Variants in EPHB1 observed in about 807,000 individuals in gnomAD.
The protein encoded by EPHB1 is ephrin type-B receptor 1.
EPHB1 carries 30 observed loss-of-function variants against 94.4 expected under a neutral mutation model. The observed-to-expected ratio is 0.32, with a 90% CI of 0.24 to 0.43. The LOEUF (loss-of-function observed/expected upper bound fraction) is 0.43, where lower values mean the gene tolerates loss of function less well. Among genes scored for constraint, EPHB1 ranks in the 20% least tolerant of loss-of-function variants. EPHB1 has a pLI of 1.00. For synonymous variants in EPHB1, 522 were observed against 489.1 expected (o/e 1.07, Z -0.89); for missense variants, 1,055 against 1,308.3 (o/e 0.81, Z 2.99).
intron 12 of EPHB1, among the ~76,000 whole-genome samples, chr3:135,207,663 G>C (rs1164436557): frequency 6.6e-6 from 1 of 152,212 alleles, no homozygotes; most frequent in African/African-American, 2.4e-5. Flanking sequence ...CTACAGCAGA[G>C]ACTTAAAGAA....
intron 3 of EPHB1, among the ~76,000 whole-genome samples, chr3:135,056,944 G>A (rs569054214): frequency 6.0e-4 from 91 of 152,206 alleles, no homozygotes; most frequent in Non-Finnish European, 7.3e-4. Flanking sequence ...CCCCAGCTCA[G>A]CTCATCACCC....
At chr3:135,133,947 T>G (rs73862026) in intron 5 of EPHB1, among the ~76,000 whole-genome samples, 6,213 of 152,316 alleles carry the variant, frequency 0.041, 429 homozygotes, top group African/African-American at 0.14. Context: ...GCAGTGATAC[T>G]TGGACACTAT....
intron 3 of EPHB1, among the ~76,000 whole-genome samples, chr3:135,083,358 G>A (rs566992124): frequency 6.6e-6 from 1 of 152,138 alleles, no homozygotes; most frequent in East Asian, 1.9e-4. Context: ...GGCTGAGGCA[G>A]GTACAGAAAG....
intron 3 of EPHB1, among the ~76,000 whole-genome samples, chr3:135,020,605 C>T (rs1576322034): frequency 6.6e-6 from 1 of 152,298 alleles, no homozygotes; most frequent in East Asian, 1.9e-4. Flanking sequence ...CCTCAATTTG[C>T]CATTAGACTT....
At chr3:135,113,618 A>T (rs541700958) in intron 4 of EPHB1, among the ~76,000 whole-genome samples, 1 of 152,320 alleles carries the variant, frequency 6.6e-6, no homozygotes, top group East Asian at 1.9e-4. Flanking sequence ...TGCCAACAGC[A>T]GTAACCCATC....
At chr3:134,962,538 A>G (rs952316032) in intron 3 of EPHB1, among the ~76,000 whole-genome samples, 5 of 152,172 alleles carry the variant, frequency 3.3e-5, no homozygotes, top group Admixed American at 3.3e-4. Context: ...CTCACAGTCC[A>G]GTCTCAGGAA....
At chr3:135,219,843 T>A (rs1354500830) in intron 12 of EPHB1, among the ~76,000 whole-genome samples, 4 of 152,152 alleles carry the variant, frequency 2.6e-5, no homozygotes, top group Non-Finnish European at 2.9e-5. Context: ...AAGGCGGGGA[T>A]CTTGTCCCAT....
intron 3 of EPHB1, among the ~76,000 whole-genome samples, chr3:135,023,674 T>C (rs1936050424): frequency 6.6e-6 from 1 of 152,240 alleles, no homozygotes; most frequent in South Asian, 2.1e-4. Flanking sequence ...TGTTTTTAAA[T>C]TTCACTTTCA....
Position 135,211,728 on chromosome 3 carries a change from C to T in EPHB1, c.2346+10039C>T, listed in dbSNP as rs377314551. 1.4e-4 allele frequency among the ~76,000 whole-genome samples: 21 copies of T among 152,218 alleles called. No individual in the cohort carries two copies. The South Asian group carries it at 1.9e-3, about 14-fold the overall frequency. ...ACACATATATATTCATATTCGTATA[C>T]GCATTGTGTCATATTTCTCTGGCTG... is the stretch of plus-strand genomic sequence containing the variant. On this transcript the variant is annotated intron_variant, in intron 12 of 15. Transcript: ENST00000398015.
intron 3 of EPHB1, among the ~76,000 whole-genome samples, chr3:135,080,573 G>T (rs913167169): frequency 2.0e-5 from 3 of 152,098 alleles, no homozygotes; most frequent in African/African-American, 7.2e-5. Flanking sequence ...CTGGAGGAGA[G>T]GGGGGACAGC....
chr3:134,844,441 T>C (rs1023662387), intron 1 of EPHB1, among the ~76,000 whole-genome samples: 1 of 152,232 alleles, frequency 6.6e-6, no homozygotes, highest in Non-Finnish European at 1.5e-5. Flanking sequence ...CTGGACTTAA[T>C]TGGGTATGTG....
rs553751065 is a variant in EPHB1 at position 135,220,299 on chromosome 3, G to GGGGAATAT, written c.2346+18612_2346+18619dup. 1.7e-4 allele frequency among the ~76,000 whole-genome samples: 26 copies of GGGGAATAT among 152,252 alleles called. No individual in the cohort carries two copies. In the South Asian group the frequency reaches 4.6e-3, roughly 27 times the overall value. ...CACCCCGCAGGCATTCTAGCTGCAGGGGGAATATGCAGGAATGATTTCAGA... is the reference window on the plus strand; with the variant it reads ...CACCCCGCAGGCATTCTAGCTGCAGGGGGAATATGGGAATATGCAGGAATGATTTCAGA... On this transcript the variant is annotated intron_variant, in intron 12 of 15. Transcript: ENST00000398015.
intron 3 of EPHB1, among the ~76,000 whole-genome samples, chr3:135,088,224 AC>A (rs1026667660): frequency 9.0e-4 from 137 of 152,198 alleles, no homozygotes; most frequent in African/African-American, 3.0e-3. Flanking sequence ...CCCTTAGATA[AC>A]TTACCATAGT....
chr3:135,061,375 C>CCCG (rs1553727859), intron 3 of EPHB1, among the ~76,000 whole-genome samples: 3 of 137,890 alleles, frequency 2.2e-5, no homozygotes, highest in Non-Finnish European at 4.7e-5. Context: ...ACCACCCCCC[C>CCCG]CGACCCAAGT....
intron 2 of EPHB1, among the ~76,000 whole-genome samples, chr3:134,926,894 GAAGTT>G (rs937680690): frequency 6.6e-6 from 1 of 152,218 alleles, no homozygotes; most frequent in African/African-American, 2.4e-5. Context: ...TAGTTTGAGA[GAAGTT>G]AAGGAGGACA....
At chr3:134,972,971 G>T (rs1230695300) in intron 3 of EPHB1, among the ~76,000 whole-genome samples, 1 of 152,208 alleles carries the variant, frequency 6.6e-6, no homozygotes, top group Non-Finnish European at 1.5e-5. Context: ...CCCAGGTTGG[G>T]CCTCAGCTGC....
At chr3:134,805,978 T>C (rs1263416914) in intron 1 of EPHB1, among the ~76,000 whole-genome samples, 1 of 152,172 alleles carries the variant, frequency 6.6e-6, no homozygotes, top group Non-Finnish European at 1.5e-5. Context: ...ATCCTGATTG[T>C]CATGGCATCC....
At chr3:134,889,204 C>T (rs1190353447) in intron 1 of EPHB1, among the ~76,000 whole-genome samples, 3 of 151,778 alleles carry the variant, frequency 2.0e-5, no homozygotes, top group Non-Finnish European at 2.9e-5. Flanking sequence ...GAAGATAAGG[C>T]GGGAAGGAAG....
intron 3 of EPHB1, among the ~76,000 whole-genome samples, chr3:134,958,447 T>A (rs1473908957): frequency 2.1e-5 from 3 of 140,116 alleles, no homozygotes; most frequent in Admixed American, 1.4e-4. Flanking sequence ...TGTGTGTGTG[T>A]GTGAGGCCTC....
Sources: gnomAD v4.1 joint callset for allele counts (sites outside exome capture counted in the v4.1 genomes callset) on GRCh38, gnomAD v4.1.1 for gene constraint, MANE v1.5 for transcripts, NCBI Gene and HGNC (gene_info 2026-07-23, HGNC 2026-07-21) for gene names.